ATP2C1: variants seen among roughly 807,000 people sequenced by gnomAD.
The protein encoded by ATP2C1 is calcium-transporting ATPase type 2C member 1.
A neutral mutation model predicts 120.5 loss-of-function variants in ATP2C1; 31 were observed. The observed-to-expected ratio is 0.26, with a 90% CI of 0.19 to 0.35. ATP2C1 has a LOEUF of 0.35. ATP2C1 is among the 10% of genes least tolerant of loss of function. The pLI is 1.00. For missense variants in ATP2C1, 731 were observed against 1,107.5 expected, an observed-to-expected ratio of 0.66 and a Z score of 4.83; for synonymous variants, 351 against 358.7, an observed-to-expected ratio of 0.98 and a Z score of 0.24.
chr3:131,015,877 C>T, intron 26 of ATP2C1: 1 of 534,028 alleles, frequency 1.9e-6, no homozygotes, highest in South Asian at 1.8e-5. Flanking sequence ...CCCTCTCCCA[C>T]ATATTAATGT....
intron 8 of ATP2C1, among the ~76,000 whole-genome samples, chr3:130,947,111 C>G (rs1029010729): frequency 6.6e-6 from 1 of 152,114 alleles, no homozygotes; most frequent in Non-Finnish European, 1.5e-5. Flanking sequence ...ACAGAGTTGC[C>G]CTAGAGCAAT....
At chr3:131,015,687 G>A (rs959752954) in intron 26 of ATP2C1, among the ~76,000 whole-genome samples, 21 of 152,116 alleles carry the variant, frequency 1.4e-4, no homozygotes, top group African/African-American at 5.1e-4. Context: ...CTGAATGAAT[G>A]AGTAAGCCAT....
intron 18 of ATP2C1, among the ~76,000 whole-genome samples, chr3:130,977,118 T>G (rs218488): frequency 6.6e-6 from 1 of 151,840 alleles, no homozygotes; most frequent in Non-Finnish European, 1.5e-5. Context: ...TAAGGGGCAC[T>G]GCAGGGAGGC....
In ATP2C1 at chr3:130,916,934, A is replaced by G. The variant is rs143669805; in HGVS notation, c.7-13482A>G. Reference sequence around the variant, plus strand: ...TGACTGATTTCACTTCCCTGATTATATCCTTAAAGCAGCTAAGGTCATTGG... The same window carrying G: ...TGACTGATTTCACTTCCCTGATTATGTCCTTAAAGCAGCTAAGGTCATTGG... On this transcript the variant is annotated intron_variant, in intron 2 of 27. Coordinates refer to ENST00000510168, the MANE Select transcript of ATP2C1 (RefSeq NM_001378687.1). Among the ~76,000 whole-genome samples the G allele has an allele frequency of 7.6e-3, 1,155 of 152,266 alleles. 18 individuals carry two copies. Among genetic ancestry groups the G allele is most frequent in the African/African-American group, 0.026 (1,100 of 41,552 alleles).
chr3:131,015,863 C>T (rs1336922374), intron 26 of ATP2C1: 7 of 499,016 alleles, frequency 1.4e-5, no homozygotes, highest in Non-Finnish European at 2.2e-5. Flanking sequence ...CCAATGATTG[C>T]CTCCCCTCTC....
chr3:130,891,079 TAGTA>T (rs1378404461), upstream of ATP2C1, among the ~76,000 whole-genome samples: 5 of 152,170 alleles, frequency 3.3e-5, no homozygotes, highest in Admixed American at 6.5e-5. Context: ...TCTCTTAAGT[TAGTA>T]AGTAAATAAA....
At chr3:130,854,593 A>C (rs1003086987) in intron 1 of ATP2C1, among the ~76,000 whole-genome samples, 13 of 152,072 alleles carry the variant, frequency 8.5e-5, no homozygotes, top group African/African-American at 1.9e-4. Flanking sequence ...TGGAAGGGAG[A>C]ATTTGCTCCA....
chr3:130,912,322 A>C (rs2058462268), intron 2 of ATP2C1, among the ~76,000 whole-genome samples: 1 of 150,860 alleles, frequency 6.6e-6, no homozygotes, highest in Non-Finnish European at 1.5e-5. Flanking sequence ...GGAAACCTAC[A>C]AAATGGGAGA....
At chr3:130,869,607 A>G (rs938689427) in intron 1 of ATP2C1, among the ~76,000 whole-genome samples, 29 of 152,322 alleles carry the variant, frequency 1.9e-4, no homozygotes, top group Middle Eastern at 6.8e-3. Context: ...ACAAATGATA[A>G]GAAAGCTAAA....
At chr3:130,978,689 T>C (rs2061628978) in intron 18 of ATP2C1, among the ~76,000 whole-genome samples, 1 of 152,186 alleles carries the variant, frequency 6.6e-6, no homozygotes, top group Non-Finnish European at 1.5e-5. Flanking sequence ...GTATTAATGG[T>C]TTTACAACCA....
intron 12 of ATP2C1, among the ~76,000 whole-genome samples, chr3:130,959,854 G>A (rs568783504): frequency 1.3e-4 from 20 of 152,082 alleles, no homozygotes; most frequent in African/African-American, 4.6e-4. Context: ...AATTGTAGGG[G>A]TGTAATATAA....
At chr3:130,993,082 G>C (rs1482060156) in intron 21 of ATP2C1, 81 bp downstream of exon 21, 1 of 1,243,780 alleles carries the variant, frequency 8.0e-7, no homozygotes, top group Non-Finnish European at 1.2e-6. Context: ...GCATTACAGG[G>C]AGTAGAGCAT....
intron 1 of ATP2C1, among the ~76,000 whole-genome samples, chr3:130,869,781 T>C (rs1221253148): frequency 6.6e-6 from 1 of 152,174 alleles, no homozygotes; most frequent in Non-Finnish European, 1.5e-5. Context: ...AAAGTTTGAA[T>C]ATAGCAGAGG....
At position 130,954,957 on chromosome 3, in the gene ATP2C1, GTTTTGGT is replaced by G; in HGVS notation, c.688-52_688-46del. The G allele has an allele frequency of 7.1e-6, 9 of 1,270,812 alleles. No homozygotes were observed. In the South Asian group the frequency reaches 1.1e-4, roughly 15 times the overall value. 78.7% of individuals were successfully genotyped at this position (1,270,812 alleles called of 1,614,324 possible). ...AGTTGTTGGATGTGTGTGTGTATGT[GTTTTGGT>G]TTACATTTCATCTGGATGTAAATGT... On this transcript the variant is annotated intron_variant, in intron 9 of 27. Transcript: ENST00000510168.
At chr3:130,850,737 G>C (rs1236050324) in exon 1 of ATP2C1, 12 of 585,146 alleles carry the variant, frequency 2.1e-5, no homozygotes, top group Non-Finnish European at 5.7e-6. Context: ...CAAATCTTTA[G>C]GCATCTGAGG....
At chr3:131,010,801 T>A (rs1367692003) in intron 26 of ATP2C1, among the ~76,000 whole-genome samples, 1 of 151,216 alleles carries the variant, frequency 6.6e-6, no homozygotes, top group Non-Finnish European at 1.5e-5. Flanking sequence ...TGCAAAATTC[T>A]GCTCTTAAAC....
chr3:130,958,964 A>T (rs1047631166), intron 11 of ATP2C1, among the ~76,000 whole-genome samples: 30 of 152,222 alleles, frequency 2.0e-4, no homozygotes, highest in African/African-American at 3.9e-4. Flanking sequence ...GGTAATTTTT[A>T]AAAAAATAAT....
chr3:130,913,726 C>T (rs987956190), intron 2 of ATP2C1, among the ~76,000 whole-genome samples: 1 of 152,144 alleles, frequency 6.6e-6, no homozygotes, highest in Admixed American at 6.6e-5. Flanking sequence ...TAAATCTAGT[C>T]TCACTATACT....
chr3:130,851,034 C>A, intron 1 of ATP2C1: 1 of 544,594 alleles, frequency 1.8e-6, no homozygotes, highest in Non-Finnish European at 2.8e-6. Context: ...TTTATAGGTA[C>A]AGGTCAGATC....
Sources: allele counts gnomAD v4.1 joint callset (sites outside exome capture counted in the v4.1 genomes callset), GRCh38; gene constraint gnomAD v4.1.1; transcripts MANE v1.5; gene names NCBI Gene and HGNC (gene_info 2026-07-23, HGNC 2026-07-21).